ZFP37: variants seen among roughly 807,000 people sequenced by gnomAD.
ZFP37 encodes ZFP37 zinc finger protein, also known as zinc finger protein 37 homolog.
Under a neutral mutation model 52.1 loss-of-function variants are expected in ZFP37, and 38 were observed. The observed-to-expected ratio is 0.73, with a 90% CI of 0.56 to 0.96. The LOEUF is 0.96. ZFP37 is among the 40% of genes least tolerant of loss of function. The pLI, the probability that ZFP37 is intolerant of heterozygous loss-of-function variation, is 0.00. For missense variants in ZFP37, 695 were observed against 741.4 expected (o/e 0.94, Z 0.73); for synonymous variants, 253 against 259.5 (o/e 0.98, Z 0.24).
At position 113,054,210 on chromosome 9, in the gene ZFP37, T is replaced by C. The variant is rs531887026; in HGVS notation, c.132+2347A>G. Among the ~76,000 whole-genome samples, 4 of 152,340 alleles carry C rather than the reference T, an allele frequency of 2.6e-5. No homozygotes were observed. In the East Asian group the frequency reaches 5.8e-4, roughly 22 times the overall value. On this transcript the variant is annotated intron_variant, in intron 1 of 3. Transcript: ENST00000374227. ...TGCTTTTAGGACTCAAAAGCATATA[T>C]GACAATTGATTACTTCTATTGTCTT...
chr9:113,045,798 C>G (rs1828939724), intron 3 of ZFP37, among the ~76,000 whole-genome samples: 1 of 152,076 alleles, frequency 6.6e-6, no homozygotes. Context: ...GTATAAAAAC[C>G]TATAATCTTA....
chr9:113,056,570 T>G lies in ZFP37; in HGVS notation c.119A>C (p.Glu40Ala). The change falls in exon 1 of 4, where the codon GAG becomes GCG. Residue 40 changes from glutamate to alanine, a missense_variant. By Grantham distance (107) the Glu-to-Ala change is moderately radical (BLOSUM62 -1). Coordinates refer to ENST00000374227, the MANE Select transcript of ZFP37 (RefSeq NM_003408.3). ...RPLEMAVSEP[E>A]ASAAEWKQLD... ...CACAGCTCTCACCGCGGCGCTGGCC[T>G]CGGGCTCGGACACAGCCATCTCCAG... The G allele has an allele frequency of 6.2e-7, 1 of 1,613,682 alleles. No individual in the cohort carries two copies. The highest frequency in any genetic ancestry group is 1.3e-5 in the African/African-American group (1 of 75,060).
rs898405769 is a variant in ZFP37, at chr9:113,039,488, G to C, written c.*3237C>G. 6.6e-6 allele frequency: 1 copy of C among 151,874 alleles called. No individual in the cohort carries two copies. Among genetic ancestry groups the C allele is most frequent in the East Asian group, 1.9e-4 (1 of 5,174 alleles). 9.4% of individuals were successfully genotyped at this position (151,874 alleles called of 1,614,324 possible). On this transcript the variant is annotated 3_prime_UTR_variant, in exon 4 of 4. Transcript: ENST00000374227. ...TTACCCTCTCTGGGTCTTTGCTTTT[G>C]TCACCATCTAAGTAAGCTTACTGCC...
rs1429966515 is a variant in ZFP37 at position 113,039,471 on chromosome 9, T to G, written c.*3254A>C. 6.6e-6 allele frequency: 1 copy of G among 152,156 alleles called. No homozygotes were observed. Among genetic ancestry groups the G allele is most frequent in the African/African-American group, 2.4e-5 (1 of 41,436 alleles). The allele number at this position is 152,156 out of a possible 1,614,324, so 9.4% of individuals were successfully genotyped here. On this transcript the variant is annotated 3_prime_UTR_variant, in exon 4 of 4. Transcript: ENST00000374227. ...ATACATGGTTTGCTCTTTTACCCTC[T>G]CTGGGTCTTTGCTTTTGTCACCATC...
At position 113,043,530 on chromosome 9, in the gene ZFP37, G is replaced by A. The variant is rs1828892900; in HGVS notation, c.1088C>T (p.Ala363Val). 1 of 1,614,044 alleles carries A rather than the reference G, an allele frequency of 6.2e-7. No homozygotes were observed. The change falls in exon 4 of 4, where the codon GCA becomes GTA. Residue 363 changes from alanine (A) to valine (V), a missense_variant. Ala to Val is a moderately conservative substitution (Grantham distance 64). Coordinates refer to ENST00000374227, the MANE Select transcript of ZFP37 (RefSeq NM_003408.3). ...QCGKAHGHKHALTDHLRIHTG... is the reference protein window; with the variant it reads ...QCGKAHGHKHVLTDHLRIHTG... ...ATGAATTCTTAGATGGTCAGTGAGT[G>A]CATGTTTATGACCATGGGCTTTGCC... is the stretch of plus-strand genomic sequence containing the variant.
At position 113,056,565 on chromosome 9, in the gene ZFP37, T is replaced by C; in HGVS notation, c.124A>G (p.Ser42Gly). Residue 42 changes from serine (S) to glycine (G), a missense_variant, in exon 1 of 4, where the codon AGC becomes GGC. Around this residue, in one of 2 missense-constraint regions of ZFP37, gnomAD observed 369 missense variants for 340.9 expected, o/e 1.08. Transcript: ENST00000374227. ...LEMAVSEPEASAAEWKQLDPA... is the reference protein window; with the variant it reads ...LEMAVSEPEAGAAEWKQLDPA... ...CTCATCACAGCTCTCACCGCGGCGC[T>C]GGCCTCGGGCTCGGACACAGCCATC... The C allele has an allele frequency of 6.2e-7, 1 of 1,613,600 alleles. No individual in the cohort carries two copies. Among genetic ancestry groups the C allele is most frequent in the Non-Finnish European group, 8.5e-7 (1 of 1,179,944 alleles).
Position 113,043,894 on chromosome 9 carries a change from A to G in ZFP37, c.724T>C (p.Cys242Arg), listed in dbSNP as rs141963955. 8.6e-5 allele frequency: 138 copies of G among 1,613,862 alleles called. No homozygotes were observed. In the Middle Eastern group the frequency reaches 1.3e-3, roughly 15 times the overall value. ...TCATGTTTTTTGCCAGTTTTGTTAC[A>G]CTTATCAGATGAGCTATGGCTGGAT... ...KLSSHSSSDK[C>R]NKTGKKHDKL... The change falls in exon 4 of 4, where the codon TGT becomes CGT. Residue 242 changes from cysteine (C) to arginine (R), a missense_variant. Physicochemically the swap from Cys to Arg is radical, Grantham distance 180. Transcript: ENST00000374227.
chr9:113,056,308 A>G lies in ZFP37; in HGVS notation c.132+249T>C, dbSNP rs570309947. On this transcript the variant is annotated intron_variant, in intron 1 of 3. Coordinates refer to ENST00000374227, the MANE Select transcript of ZFP37 (RefSeq NM_003408.3). Reference sequence around the variant, plus strand: ...AGCCTCCATTTCTGATCTCCTTCCAAACTCCGACACTCGGTGACTGCCACA... The same window carrying G: ...AGCCTCCATTTCTGATCTCCTTCCAGACTCCGACACTCGGTGACTGCCACA... Among the ~76,000 whole-genome samples, 11 of 151,870 alleles carry G rather than the reference A, an allele frequency of 7.2e-5. No individual in the cohort carries two copies. In the East Asian group the frequency reaches 2.1e-3, roughly 29 times the overall value.
intron 1 of ZFP37, among the ~76,000 whole-genome samples, chr9:113,050,348 T>C (rs867339975): frequency 1.1e-4 from 16 of 152,040 alleles, no homozygotes; most frequent in South Asian, 4.1e-4. Flanking sequence ...ATCACACCAC[T>C]GCACTCCAGC....
chr9:113,049,265 C>T, intron 3 of ZFP37, 97 bp downstream of exon 3: 1 of 1,329,746 alleles, frequency 7.5e-7, no homozygotes. Flanking sequence ...CTGATTTTTT[C>T]TATTGCTATT....
In ZFP37 at chr9:113,042,710, T is replaced by C. The variant is rs1194797628; in HGVS notation, c.*15A>G. The C allele has an allele frequency of 3.3e-6, 5 of 1,528,942 alleles. No individual in the cohort carries two copies. Among genetic ancestry groups the C allele is most frequent in the South Asian group, 2.6e-5 (2 of 75,982 alleles). 94.7% of individuals were successfully genotyped at this position (1,528,942 alleles called of 1,614,324 possible). A position where few individuals can be genotyped will look rare whatever the true frequency, so the allele number is the denominator to read the frequency against. ...CAAAACCTTAAATTTAGTTAACAAATTTCCCACATTAACTTCACTCATGAG... is the reference window on the plus strand; with the variant it reads ...CAAAACCTTAAATTTAGTTAACAAACTTCCCACATTAACTTCACTCATGAG... On this transcript the variant is annotated 3_prime_UTR_variant, in exon 4 of 4. Transcript: ENST00000374227.
intron 2 of ZFP37, 110 bp downstream of exon 2, chr9:113,049,681 A>G (rs1352232989): frequency 1.3e-6 from 2 of 1,486,948 alleles, no homozygotes; most frequent in African/African-American, 2.8e-5. Flanking sequence ...TAGTACCCAA[A>G]AAAGAAGAAA....
At chr9:113,048,609 G>T (rs1829000364) in intron 3 of ZFP37, among the ~76,000 whole-genome samples, 1 of 151,808 alleles carries the variant, frequency 6.6e-6, no homozygotes, top group African/African-American at 2.4e-5. Flanking sequence ...CATCTGAGGG[G>T]CTGGTACCAA....
At chr9:113,049,552 G>A in intron 2 of ZFP37, 56 bp from the exon 3 acceptor site, 1 of 1,576,352 alleles carries the variant, frequency 6.3e-7, no homozygotes, top group Non-Finnish European at 8.6e-7. Context: ...CAGAAATGAA[G>A]CCGCAGCATT....
chr9:113,056,489 T>A (rs1829146860), intron 1 of ZFP37, 68 bp downstream of exon 1: 5 of 1,591,408 alleles, frequency 3.1e-6, no homozygotes, highest in Non-Finnish European at 4.3e-6. Context: ...CACAGACTAC[T>A]CCAATCACTG....
chr9:113,047,870 G>A (rs547177693), intron 3 of ZFP37, among the ~76,000 whole-genome samples: 2 of 152,288 alleles, frequency 1.3e-5, no homozygotes, highest in East Asian at 3.9e-4. Flanking sequence ...GTTTAAGTAG[G>A]TCAAATATGA....
chr9:113,044,498 T>C (rs1393656111), intron 3 of ZFP37, among the ~76,000 whole-genome samples: 2 of 152,114 alleles, frequency 1.3e-5, no homozygotes, highest in Non-Finnish European at 2.9e-5. Flanking sequence ...CTTAAAAATA[T>C]GAGTGAGCAA....
rs138892647 is a variant in ZFP37 at position 113,042,756 on chromosome 9, T to G, written c.1862A>C (p.Lys621Thr). Residue 621 changes from lysine (K) to threonine (T), a missense_variant, in exon 4 of 4, where the codon AAA becomes ACA. This residue lies in a region of ZFP37 where 326 missense variants were observed against 400.5 expected (regional missense o/e 0.81). Transcript: ENST00000374227. ...KQNASLTKHV[K>T]THSEDKSHE Reference sequence around the variant, plus strand: ...ATGAGATTTATCTTCTGAATGAGTTTTCACATGTTTGGTTAGGGATGCATT... The same window carrying G: ...ATGAGATTTATCTTCTGAATGAGTTGTCACATGTTTGGTTAGGGATGCATT... 4,310 of 1,585,728 alleles carry G rather than the reference T, an allele frequency of 2.7e-3. 181 individuals carry two copies. The Admixed American group carries it at 0.074, about 27-fold the overall frequency.
chr9:113,040,662 T>C lies in ZFP37; in HGVS notation c.*2063A>G, dbSNP rs1564341757. 1 of 152,230 alleles carries C rather than the reference T, an allele frequency of 6.6e-6. No homozygotes were observed. Among genetic ancestry groups the C allele is most frequent in the Non-Finnish European group, 1.5e-5 (1 of 68,036 alleles). The allele number at this position is 152,230 out of a possible 1,614,324, so 9.4% of individuals were successfully genotyped here. A position where few individuals can be genotyped will look rare whatever the true frequency, so the allele number is the denominator to read the frequency against. ...GCACATATTTCTTTGGGGCCCATTATTATGCTAAATTACTGTCTAGGTGAA... is the reference window on the plus strand; with the variant it reads ...GCACATATTTCTTTGGGGCCCATTACTATGCTAAATTACTGTCTAGGTGAA... On this transcript the variant is annotated 3_prime_UTR_variant, in exon 4 of 4. Transcript: ENST00000374227.
Sources: allele counts gnomAD v4.1 joint callset (sites outside exome capture counted in the v4.1 genomes callset), GRCh38; gene constraint gnomAD v4.1.1; regional missense constraint gnomAD v4.1.1; transcripts MANE v1.5; gene names NCBI Gene and HGNC (gene_info 2026-07-23, HGNC 2026-07-21).